Variants in CIART observed in about 807,000 individuals in gnomAD.
CIART encodes the protein circadian associated repressor of transcription.
CIART carries 7 observed loss-of-function variants against 22.1 expected under a neutral mutation model. That is an observed-to-expected ratio of 0.32 (90% CI 0.18 to 0.59). The LOEUF is 0.59. CIART is among the 20% of genes least tolerant of loss of function. The pLI is 0.86. For missense variants in CIART, 440 were observed against 478.0 expected (o/e 0.92, Z 0.74); for synonymous variants, 163 against 174.6 (o/e 0.93, Z 0.53).
intron 2 of CIART, 98 bp from the exon 3 acceptor site, chr1:150,284,328 T>G (rs1170161819): frequency 8.1e-7 from 1 of 1,240,926 alleles, no homozygotes; most frequent in Non-Finnish European, 1.2e-6. Context: ...CCGACTTAAT[T>G]TTTTTAGATC....
chr1:150,286,708 C>T lies in CIART; in HGVS notation c.912C>T (p.Thr304=), dbSNP rs1553854737. 5.0e-6 allele frequency: 8 copies of T among 1,613,976 alleles called. No homozygotes were observed. In the South Asian group the frequency reaches 6.6e-5, roughly 13 times the overall value. Residue 304 remains threonine (T), a synonymous_variant, in exon 5 of 5, where the codon ACC becomes ACT. Transcript: ENST00000290363. ...TCCAGCATGGAGTGCAACCCTTCACCCACTCTGCCCCAACCACCCCAGTCC... is the reference window on the plus strand; with the variant it reads ...TCCAGCATGGAGTGCAACCCTTCACTCACTCTGCCCCAACCACCCCAGTCC... The part of the protein sequence containing the change: ...LFLQHGVQPF[T]HSAPTTPVPP...
Position 150,283,643 on chromosome 1 carries a change from A to G in CIART, c.366+10A>G. On this transcript the variant is annotated intron_variant, in intron 1 of 4. Transcript: ENST00000290363. ...GCTGTTTGCCCAGAAGGTAAGAGAA[A>G]GCAGGTGAAAGGAGATTCTCCTGGA... is the stretch of plus-strand genomic sequence containing the variant. 1 of 1,612,590 alleles carries G rather than the reference A, an allele frequency of 6.2e-7. No homozygotes were observed. The highest frequency in any genetic ancestry group is 1.1e-5 in the South Asian group (1 of 90,984).
rs1553854874 is a variant in CIART, at chr1:150,287,036, C to T, written c.*82C>T. On this transcript the variant is annotated 3_prime_UTR_variant, in exon 5 of 5. Transcript: ENST00000290363. ...TATGTATTTTTACTATTAATGTGTG[C>T]ATTTGTGTTGAGGGAAGATAAATCC... 2 of 1,288,264 alleles carry T rather than the reference C, an allele frequency of 1.6e-6. No homozygotes were observed. The allele number at this position is 1,288,264 out of a possible 1,614,324, so 79.8% of individuals were successfully genotyped here. A position where few individuals can be genotyped will look rare whatever the true frequency, so the allele number is the denominator to read the frequency against.
chr1:150,283,158 T>C lies in CIART; in HGVS notation c.-110T>C, dbSNP rs1553853836. ...CAGTACACCCCAATCTCCCAGTTCATTTCCTAATCCTTAAACTCTGGTTTC... is the reference window on the plus strand; with the variant it reads ...CAGTACACCCCAATCTCCCAGTTCACTTCCTAATCCTTAAACTCTGGTTTC... On this transcript the variant is annotated 5_prime_UTR_variant, in exon 1 of 5. Coordinates refer to ENST00000290363, the MANE Select transcript of CIART (RefSeq NM_144697.4). 8.2e-7 allele frequency: 1 copy of C among 1,223,254 alleles called. No homozygotes were observed. The highest frequency in any genetic ancestry group is 1.5e-5 in the African/African-American group (1 of 65,586). The allele number at this position is 1,223,254 out of a possible 1,614,324, so 75.8% of individuals were successfully genotyped here. A position where few individuals can be genotyped will look rare whatever the true frequency, so the allele number is the denominator to read the frequency against.
At chr1:150,285,371 A>C (rs782113815) in intron 4 of CIART, 1 of 152,620 alleles carries the variant, frequency 6.6e-6, no homozygotes, top group Non-Finnish European at 1.5e-5. Context: ...CCCCGTCTTT[A>C]CTAAAAATAC....
In CIART at chr1:150,286,599, A is replaced by T. The variant is rs782184308; in HGVS notation, c.803A>T (p.Asn268Ile). Residue 268 changes from asparagine (N) to isoleucine (I), a missense_variant, in exon 5 of 5, where the codon AAC (asparagine) becomes ATC (isoleucine). Asn to Ile is a moderately radical substitution (Grantham distance 149). Coordinates refer to ENST00000290363, the MANE Select transcript of CIART (RefSeq NM_144697.4). Reference protein sequence around the residue: ...LTWIHTTPICNPPLSSPGTIS... With the variant: ...LTWIHTTPICIPPLSSPGTIS... ...TGGATCCACACCACTCCAATTTGCA[A>T]CCCCCCTCTCAGCTCCCCAGGTACT... 1 of 1,608,374 alleles carries T rather than the reference A, an allele frequency of 6.2e-7. No individual in the cohort carries two copies. The highest frequency in any genetic ancestry group is 8.5e-7 in the Non-Finnish European group (1 of 1,175,410).
rs782214203 is a variant in CIART at position 150,283,613 on chromosome 1, G to T, written c.346G>T (p.Asp116Tyr). ...CACCCAAGGTTGTACCACAGAGGGAGACCTGCTGTTTGCCCAGAAGGTAAG... is the reference window on the plus strand; with the variant it reads ...CACCCAAGGTTGTACCACAGAGGGATACCTGCTGTTTGCCCAGAAGGTAAG... The part of the protein sequence containing the change: ...LNTQGCTTEG[D>Y]LLFAQKCKEL... The change falls in exon 1 of 5, where the codon GAC becomes TAC. Residue 116 changes from aspartate (D) to tyrosine (Y), a missense_variant. Coordinates refer to ENST00000290363, the MANE Select transcript of CIART (RefSeq NM_144697.4). 1.9e-6 allele frequency: 3 copies of T among 1,613,636 alleles called. No individual in the cohort carries two copies. The highest frequency in any genetic ancestry group is 2.5e-6 in the Non-Finnish European group (3 of 1,179,696).
intron 1 of CIART, 81 bp downstream of exon 1, chr1:150,283,714 AT>A: frequency 6.4e-7 from 1 of 1,563,494 alleles, no homozygotes; most frequent in Non-Finnish European, 8.8e-7. Context: ...TGAGGACAGT[AT>A]TGACTCCCAG....
rs1232029050 is a variant in CIART at position 150,282,572 on chromosome 1, G to C, written c.-696G>C. Reference sequence around the variant, plus strand: ...GGTGGGTAGATAGACCCGGAGAGACGGCGAAGGAGCTGGAAACCGAGCCAG... The same window carrying C: ...GGTGGGTAGATAGACCCGGAGAGACCGCGAAGGAGCTGGAAACCGAGCCAG... On this transcript the variant is annotated 5_prime_UTR_variant, in exon 1 of 5. Transcript: ENST00000290363. 6.6e-6 allele frequency: 1 copy of C among 152,260 alleles called. No homozygotes were observed. The highest frequency in any genetic ancestry group is 2.4e-5 in the African/African-American group (1 of 41,442). 9.4% of individuals were successfully genotyped at this position (152,260 alleles called of 1,614,324 possible). A position where few individuals can be genotyped will look rare whatever the true frequency, so the allele number is the denominator to read the frequency against.
intron 4 of CIART, 180 bp downstream of exon 4, chr1:150,284,888 G>GTTGTTGTTT: frequency 1.6e-6 from 1 of 606,416 alleles, no homozygotes; most frequent in East Asian, 2.8e-5. Flanking sequence ...TGTTGTTGTT[G>GTTGTTGTTT]TTGTTGTTGT....
At chr1:150,286,375 G>C (rs1553854605) in intron 4 of CIART, 55 bp from the exon 5 acceptor site, 3 of 1,450,594 alleles carry the variant, frequency 2.1e-6, no homozygotes, top group African/African-American at 2.8e-5. Flanking sequence ...ACCAGGTGGA[G>C]CTCATCTGAA....
In CIART at chr1:150,284,439, T is replaced by C; in HGVS notation, c.456T>C (p.Phe152=). The C allele has an allele frequency of 6.2e-7, 1 of 1,610,892 alleles. No homozygotes were observed. The highest frequency in any genetic ancestry group is 8.5e-7 in the Non-Finnish European group (1 of 1,177,004). The change falls in exon 3 of 5, where the codon TTT becomes TTC. Residue 152 remains phenylalanine, a synonymous_variant. Transcript: ENST00000290363. The stretch of plus-strand genomic sequence containing the variant: ...CCCTGTCCCCAGGATTAAGCAGTTT[T>C]CAGCAGAGTGTGGCAATGGACAGGA... The part of the protein sequence containing the change: ...MGRFERGLSS[F]QQSVAMDRIQ...
At chr1:150,284,873 T>TTTGTTG (rs3054391) in intron 4 of CIART, 165 bp downstream of exon 4, 54,986 of 560,430 alleles carry the variant, frequency 0.098, 2,525 homozygotes, top group Middle Eastern at 0.14. Context: ...TCCTACATGT[T>TTTGTTG]TTGTTGTTGT....
intron 4 of CIART, 52 bp downstream of exon 4, chr1:150,284,760 A>G (rs1553854291): frequency 7.3e-7 from 1 of 1,377,314 alleles, no homozygotes; most frequent in Admixed American, 1.8e-5. Flanking sequence ...AAGAAAATGA[A>G]ATGTGCATGC....
chr1:150,285,116 A>ATGAT, intron 4 of CIART: 2 of 234,648 alleles, frequency 8.5e-6, no homozygotes, highest in South Asian at 5.3e-5. Context: ...CCTTGTGCCA[A>ATGAT]ACCCTTTGAC....
intron 4 of CIART, 41 bp from the exon 5 acceptor site, chr1:150,286,389 T>G (rs781856966): frequency 5.4e-6 from 8 of 1,495,278 alleles, no homozygotes; most frequent in Non-Finnish European, 7.4e-6. Context: ...ATCTGAATGC[T>G]TTCTCCACAT....
At position 150,284,676 on chromosome 1, in the gene CIART, T is replaced by A; in HGVS notation, c.601T>A (p.Ser201Thr). Residue 201 changes from serine to threonine, a missense_variant, in exon 4 of 5, where the codon TCA becomes ACA. Physicochemically the swap from Ser to Thr is moderately conservative, Grantham distance 58. Coordinates refer to ENST00000290363, the MANE Select transcript of CIART (RefSeq NM_144697.4). ...TCCACAAATAGCTGCCCAGAAGTCA[T>A]CATTGGGTGGTGGCAAGCATCAGCT... ...WFPQIAAQKS[S>T]LGGGKHQLTK... is the part of the protein sequence containing the mutation. The A allele has an allele frequency of 6.2e-7, 1 of 1,613,726 alleles. No homozygotes were observed. The highest frequency in any genetic ancestry group is 8.5e-7 in the Non-Finnish European group (1 of 1,179,652).
chr1:150,282,963 G>C lies in CIART; in HGVS notation c.-305G>C. Reference sequence around the variant, plus strand: ...TGTCTTTCAAGTCGGTATTTACTCTGAACTGAGGGAAGAAAAGAACGGAGG... The same window carrying C: ...TGTCTTTCAAGTCGGTATTTACTCTCAACTGAGGGAAGAAAAGAACGGAGG... On this transcript the variant is annotated 5_prime_UTR_variant, in exon 1 of 5. Transcript: ENST00000290363. 1 of 187,436 alleles carries C rather than the reference G, an allele frequency of 5.3e-6. No individual in the cohort carries two copies. The highest frequency in any genetic ancestry group is 1.1e-5 in the Non-Finnish European group (1 of 91,608). The allele number at this position is 187,436 out of a possible 1,614,324, so 11.6% of individuals were successfully genotyped here.
chr1:150,283,937 T>C (rs1361499010), intron 2 of CIART, 57 bp downstream of exon 2: 16 of 1,358,384 alleles, frequency 1.2e-5, no homozygotes, highest in Non-Finnish European at 1.7e-5. Flanking sequence ...TCTTTCCCTC[T>C]TTTGACGTGT....
Sources: allele counts gnomAD v4.1 joint callset, GRCh38; gene constraint gnomAD v4.1.1; transcripts MANE v1.5; gene names NCBI Gene and HGNC (gene_info 2026-07-23, HGNC 2026-07-21).